The following NALCN variants were observed in gnomAD, a reference collection of about 807,000 sequenced individuals.
NALCN encodes the protein sodium leak channel NALCN.
A neutral mutation model predicts 225.3 loss-of-function variants in NALCN; 111 were observed. The ratio of observed to expected loss-of-function variants is 0.49; its 90% confidence interval spans 0.42 to 0.58. The LOEUF (loss-of-function observed/expected upper bound fraction) is 0.58. Ranked by LOEUF, NALCN falls within the 20% of genes least tolerant of loss-of-function variation. The pLI is 0.00. For missense variants in NALCN, 1,378 were observed against 2,202.4 expected, an observed-to-expected ratio of 0.63 and a Z score of 7.49; for synonymous variants, 764 against 769.0, an observed-to-expected ratio of 0.99 and a Z score of 0.11.
intron 7 of NALCN, among the ~76,000 whole-genome samples, chr13:101,332,944 C>T (rs2139242710): frequency 6.6e-6 from 1 of 152,260 alleles, no homozygotes; most frequent in Admixed American, 6.5e-5. Flanking sequence ...AGTTAATGAT[C>T]CATCGTTTCT....
intron 12 of NALCN, among the ~76,000 whole-genome samples, chr13:101,234,820 ACTAT>A (rs1390602492): frequency 5.5e-5 from 8 of 144,512 alleles, no homozygotes; most frequent in Admixed American, 2.2e-4. Context: ...CTATCTATCT[ACTAT>A]CTATCTATCT....
rs181191744 is a variant in NALCN at position 101,155,544 on chromosome 13, C to G, written c.1840-10648G>C. ...CATGGAGATGATACGCCCTTCTCGT[C>G]ATATCAGTGTGTATATGACATTGAG... On this transcript the variant is annotated intron_variant, in intron 15 of 43. Transcript: ENST00000251127. Among the ~76,000 whole-genome samples, 15 of 152,286 alleles carry G rather than the reference C, an allele frequency of 9.8e-5. No homozygotes were observed. The East Asian group carries it at 2.1e-3, about 22-fold the overall frequency.
intron 6 of NALCN, among the ~76,000 whole-genome samples, chr13:101,360,061 CTTTCT>C (rs2046186110): frequency 6.6e-6 from 1 of 150,910 alleles, no homozygotes; most frequent in Non-Finnish European, 1.5e-5. Flanking sequence ...TTTTCTCTTT[CTTTCT>C]TTTTCTTTCT....
chr13:101,211,964 C>A (rs1016704497), intron 13 of NALCN, among the ~76,000 whole-genome samples: 1 of 151,720 alleles, frequency 6.6e-6, no homozygotes, highest in Non-Finnish European at 1.5e-5. Flanking sequence ...CTCAAAATAG[C>A]TCTTCTGCTA....
intron 10 of NALCN, 53 bp from the exon 11 acceptor site, chr13:101,258,627 A>C (rs2042319676): frequency 1.2e-6 from 2 of 1,609,958 alleles, no homozygotes; most frequent in African/African-American, 2.7e-5. Flanking sequence ...CTCATGATTA[A>C]GTGTAATTGA....
At position 101,237,790 on chromosome 13, in the gene NALCN, G is replaced by C; in HGVS notation, c.1399C>G (p.Pro467Ala). The C allele has an allele frequency of 6.2e-7, 1 of 1,602,782 alleles. No individual in the cohort carries two copies. The highest frequency in any genetic ancestry group is 8.5e-7 in the Non-Finnish European group (1 of 1,175,288). ...LVIGTTLHVY[P>A]DLYHSQFTYF... ...GTGAATTGTGAATGATAAAGATCTG[G>C]GTATACATGAAGAGTAGTTCCAATT... The change falls in exon 12 of 44, where the codon CCA (proline) becomes GCA (alanine). Residue 467 changes from proline to alanine, a missense_variant. Physicochemically the swap from Pro to Ala is conservative, Grantham distance 27 (BLOSUM62 -1). Around this residue, in one of 19 missense-constraint regions of NALCN, gnomAD observed 144 missense variants for 187.7 expected, o/e 0.77. Transcript: ENST00000251127.
At chr13:101,341,235 T>C (rs1029844776) in intron 7 of NALCN, among the ~76,000 whole-genome samples, 4 of 152,218 alleles carry the variant, frequency 2.6e-5, no homozygotes, top group Non-Finnish European at 5.9e-5. Context: ...ATTGACTGAA[T>C]GTTTTCAAGA....
intron 2 of NALCN, among the ~76,000 whole-genome samples, chr13:101,398,536 A>T (rs1012139746): frequency 1.3e-5 from 2 of 152,164 alleles, no homozygotes; most frequent in Non-Finnish European, 2.9e-5. Flanking sequence ...CATCAACTTA[A>T]TTAGGCGGTG....
At chr13:101,066,009 C>T (rs1393582566) in intron 39 of NALCN, among the ~76,000 whole-genome samples, 2 of 152,182 alleles carry the variant, frequency 1.3e-5, no homozygotes, top group African/African-American at 4.8e-5. Flanking sequence ...CTAGGAACGT[C>T]TCAATGTTTA....
intron 10 of NALCN, among the ~76,000 whole-genome samples, chr13:101,271,451 T>G (rs1486962290): frequency 6.6e-6 from 1 of 152,146 alleles, no homozygotes. Flanking sequence ...GCTACCCCTT[T>G]CTACATGTAG....
In NALCN at chr13:101,073,667, AATTTGCATG is replaced by A; in HGVS notation, c.4105_4113del (p.His1369_Asn1371del). 1 of 1,612,856 alleles carries A rather than the reference AATTTGCATG, an allele frequency of 6.2e-7. No homozygotes were observed. Among genetic ancestry groups the A allele is most frequent in the Non-Finnish European group, 8.5e-7 (1 of 1,179,662 alleles). Reference sequence around the variant, plus strand: ...GTAATAGCTTTTCCAGCCGAAGAAAAATTTGCATGCCTAATTTAAGAAAAAAAAATTAAC... The same window carrying A: ...GTAATAGCTTTTCCAGCCGAAGAAAACCTAATTTAAGAAAAAAAAATTAAC... On this transcript the variant is annotated inframe_deletion and splice_region_variant, in exon 37 of 44. Coordinates refer to ENST00000251127, the MANE Select transcript of NALCN (RefSeq NM_052867.4).
intron 13 of NALCN, among the ~76,000 whole-genome samples, chr13:101,195,824 T>C (rs550936722): frequency 2.6e-5 from 4 of 152,328 alleles, no homozygotes; most frequent in Admixed American, 6.5e-5. Context: ...ATGAAGGTAT[T>C]ACCATTGCCA....
intron 10 of NALCN, among the ~76,000 whole-genome samples, chr13:101,283,001 C>T (rs555454822): frequency 1.2e-4 from 19 of 152,270 alleles, no homozygotes; most frequent in African/African-American, 4.1e-4. Context: ...GATGTGAACA[C>T]TTCTCCAAAT....
intron 30 of NALCN, among the ~76,000 whole-genome samples, chr13:101,088,665 CA>C (rs1002518904): frequency 9.9e-5 from 15 of 152,130 alleles, no homozygotes; most frequent in Non-Finnish European, 2.2e-4. Flanking sequence ...ACTATGATTC[CA>C]AAGACTGCGT....
At chr13:101,148,419 T>A (rs1349189991) in intron 15 of NALCN, among the ~76,000 whole-genome samples, 1 of 152,204 alleles carries the variant, frequency 6.6e-6, no homozygotes, top group Non-Finnish European at 1.5e-5. Context: ...CTCCTTTTCC[T>A]TATAGATGCC....
rs185369947 is a variant in NALCN, at chr13:101,089,278, C to G, written c.3489+385G>C. Among the ~76,000 whole-genome samples the G allele has an allele frequency of 6.6e-6, 1 of 152,260 alleles. No individual in the cohort carries two copies. The highest frequency in any genetic ancestry group is 2.4e-5 in the African/African-American group (1 of 41,554). On this transcript the variant is annotated intron_variant, in intron 30 of 43. Transcript: ENST00000251127. This position sits in a 1 kb window ranked among gnomAD's most constrained non-coding sequence, Gnocchi z 4.7. Reference sequence around the variant, plus strand: ...ACCCCCATCAAAATCCTGAGTTCACCTACTGAGTTACACAGAAGCATACAA... The same window carrying G: ...ACCCCCATCAAAATCCTGAGTTCACGTACTGAGTTACACAGAAGCATACAA...
At chr13:101,347,167 C>CACACA (rs1566601607) in intron 6 of NALCN, among the ~76,000 whole-genome samples, 3 of 124,240 alleles carry the variant, frequency 2.4e-5, no homozygotes, top group African/African-American at 6.1e-5. Flanking sequence ...ACACACACAC[C>CACACA]CCATGGCTGG....
At chr13:101,228,494 G>A (rs1048592284) in intron 13 of NALCN, among the ~76,000 whole-genome samples, 3 of 152,152 alleles carry the variant, frequency 2.0e-5, no homozygotes, top group Admixed American at 6.5e-5. Flanking sequence ...TGCTGCTCTT[G>A]TGGTAGTGAA....
intron 37 of NALCN, among the ~76,000 whole-genome samples, chr13:101,072,126 C>T (rs2032933889): frequency 6.6e-6 from 1 of 152,132 alleles, no homozygotes; most frequent in Non-Finnish European, 1.5e-5. Context: ...GATCACAGAT[C>T]ACCAAAACAG....
Sources: allele counts gnomAD v4.1 joint callset (sites outside exome capture counted in the v4.1 genomes callset), GRCh38; gene constraint gnomAD v4.1.1; regional missense constraint gnomAD v4.1.1; non-coding constraint Gnocchi (gnomAD v3.1); transcripts MANE v1.5; gene names NCBI Gene and HGNC (gene_info 2026-07-23, HGNC 2026-07-21).